Variants in PDE4D observed in about 807,000 individuals in gnomAD.
PDE4D encodes 3',5'-cyclic-AMP phosphodiesterase 4D.
Under a neutral mutation model 87.4 loss-of-function variants are expected in PDE4D, and 24 were observed. The observed-to-expected ratio is 0.27, with a 90% CI of 0.20 to 0.39. The LOEUF (loss-of-function observed/expected upper bound fraction) is 0.39. Among genes scored for constraint, PDE4D ranks in the 10% least tolerant of loss-of-function variants. PDE4D has a pLI of 1.00. For missense variants in PDE4D, 714 were observed against 1,041.0 expected, an observed-to-expected ratio of 0.69 and a Z score of 4.32; for synonymous variants, 384 against 383.2, an observed-to-expected ratio of 1.00 and a Z score of -0.02.
chr5:60,333,414 C>T (rs1402324869), intron 1 of PDE4D, among the ~76,000 whole-genome samples: 4 of 152,104 alleles, frequency 2.6e-5, no homozygotes, highest in African/African-American at 9.7e-5. Flanking sequence ...ACAGAAAATG[C>T]CTCAGTTCAA....
At chr5:59,022,965 G>A (rs766296440) in intron 6 of PDE4D, among the ~76,000 whole-genome samples, 27 of 152,166 alleles carry the variant, frequency 1.8e-4, no homozygotes, top group Non-Finnish European at 3.2e-4. Context: ...TACGAGGTCA[G>A]GAGTTCGAGA....
chr5:58,999,086 A>C (rs563960914), intron 6 of PDE4D, among the ~76,000 whole-genome samples: 1 of 152,336 alleles, frequency 6.6e-6, no homozygotes, highest in South Asian at 2.1e-4. Context: ...TCGTCAGGTT[A>C]AAGTAGTATA....
chr5:60,479,200 C>T (rs1402178185), intron 1 of PDE4D, among the ~76,000 whole-genome samples: 2 of 152,158 alleles, frequency 1.3e-5, no homozygotes, highest in African/African-American at 2.4e-5. Flanking sequence ...GACATATTTA[C>T]ATTTACTTTG....
In PDE4D at chr5:58,999,284, TA is replaced by T. The variant is rs34405862; in HGVS notation, c.922-5820del. 0.1 allele frequency among the ~76,000 whole-genome samples: 15,313 copies of T among 152,132 alleles called. 1,027 individuals are homozygous for T. The highest frequency in any genetic ancestry group is 0.13 in the Non-Finnish European group (8,985 of 67,968). ...ACAAACAGAAGAACTACTGCGTATC[TA>T]AAAAAGCTATTTTAACACTCAAACT... On this transcript the variant is annotated intron_variant, in intron 6 of 14. Coordinates refer to ENST00000340635, the MANE Select transcript of PDE4D (RefSeq NM_001104631.2).
chr5:59,210,730 T>C (rs923334433), intron 2 of PDE4D, among the ~76,000 whole-genome samples: 5 of 152,300 alleles, frequency 3.3e-5, no homozygotes, highest in African/African-American at 7.2e-5. Flanking sequence ...TGAATGTGAG[T>C]GAAGAGCCGA....
At chr5:59,617,710 T>C (rs1234664002) in intron 1 of PDE4D, among the ~76,000 whole-genome samples, 1 of 152,248 alleles carries the variant, frequency 6.6e-6, no homozygotes, top group Non-Finnish European at 1.5e-5. Context: ...GTTCCTTCCC[T>C]AGCTCCTTTA....
chr5:59,923,215 A>C (rs1754866151), intron 3 of PDE4D, among the ~76,000 whole-genome samples: 2 of 152,206 alleles, frequency 1.3e-5, no homozygotes, highest in African/African-American at 2.4e-5. Flanking sequence ...GTAGCTTCTT[A>C]AGATTTCTCA....
At chr5:59,247,547 T>C (rs537258835) in intron 1 of PDE4D, among the ~76,000 whole-genome samples, 45 of 152,266 alleles carry the variant, frequency 3.0e-4, no homozygotes, top group African/African-American at 8.9e-4. Flanking sequence ...TACAATTGTT[T>C]ACTGGTGAAC....
Position 59,924,788 on chromosome 5 carries a change from T to C in PDE4D, c.272+63700A>G, listed in dbSNP as rs918782896. On this transcript the variant is annotated intron_variant, in intron 3 of 16. Coordinates refer to the PDE4D transcript ENST00000502484. ...TACAAAACTCACTGATGATAGTAAA[T>C]ATGCAGAGAAACGCAGGATAGTATA... Among the ~76,000 whole-genome samples the C allele has an allele frequency of 2.7e-4, 41 of 152,250 alleles. 1 individual carries two copies. The highest frequency in any genetic ancestry group is 9.1e-4 in the African/African-American group (38 of 41,544).
intron 1 of PDE4D, chr5:60,431,208 T>G: frequency 5.3e-6 from 1 of 190,244 alleles, no homozygotes; most frequent in South Asian, 8.0e-5. Context: ...GGGTGGCTGC[T>G]GGGCGGAGAC....
At chr5:59,467,797 G>A (rs910487676) in intron 1 of PDE4D, among the ~76,000 whole-genome samples, 2 of 152,134 alleles carry the variant, frequency 1.3e-5, no homozygotes, top group African/African-American at 4.8e-5. Flanking sequence ...AATTATGTTT[G>A]AGTTCACTGG....
At chr5:60,181,103 T>G (rs1784341294) in intron 2 of PDE4D, among the ~76,000 whole-genome samples, 1 of 152,134 alleles carries the variant, frequency 6.6e-6, no homozygotes, top group Admixed American at 6.5e-5. Flanking sequence ...CATAACAAAA[T>G]GTACCATCTT....
At chr5:60,209,209 T>C (rs1317676865) in intron 1 of PDE4D, among the ~76,000 whole-genome samples, 8 of 131,754 alleles carry the variant, frequency 6.1e-5, no homozygotes, top group African/African-American at 2.3e-4. Flanking sequence ...TTTTTTTTTT[T>C]AGTGTTAATG....
At chr5:59,697,899 C>T (rs1752014436) in intron 1 of PDE4D, among the ~76,000 whole-genome samples, 1 of 152,154 alleles carries the variant, frequency 6.6e-6, no homozygotes, top group Non-Finnish European at 1.5e-5. Context: ...ATGTAACAAA[C>T]TTTCCTGCCT....
rs544229830 is a variant in PDE4D at position 59,549,870 on chromosome 5, T to TA, written c.456-333903dup. Among the ~76,000 whole-genome samples the TA allele has an allele frequency of 4.3e-3, 654 of 152,100 alleles. 9 individuals carry two copies. The highest frequency in any genetic ancestry group is 0.015 in the African/African-American group (617 of 41,502). ...TTACTCTACTAACTCCAAAGTTCAATAAATAATAACAATTTTCTCAAGGTT... is the reference window on the plus strand; with the variant it reads ...TTACTCTACTAACTCCAAAGTTCAATAAAATAATAACAATTTTCTCAAGGTT... On this transcript the variant is annotated intron_variant, in intron 1 of 14. Transcript: ENST00000340635.
At chr5:59,282,773 G>A (rs944355068) in intron 1 of PDE4D, among the ~76,000 whole-genome samples, 2 of 151,076 alleles carry the variant, frequency 1.3e-5, no homozygotes, top group Admixed American at 6.6e-5. Context: ...TTATTAGAAA[G>A]TAAACTCTCA....
chr5:59,593,403 T>C (rs1010054471), intron 1 of PDE4D, among the ~76,000 whole-genome samples: 1 of 152,194 alleles, frequency 6.6e-6, no homozygotes, highest in African/African-American at 2.4e-5. Context: ...AAAATAGATT[T>C]GCTTTCACTG....
intron 2 of PDE4D, among the ~76,000 whole-genome samples, chr5:60,098,847 T>C (rs1245657148): frequency 6.6e-6 from 1 of 152,032 alleles, no homozygotes; most frequent in Non-Finnish European, 1.5e-5. Context: ...GTCTTCTTGC[T>C]GATCTTAATG....
intron 1 of PDE4D, among the ~76,000 whole-genome samples, chr5:59,523,077 T>C (rs897016173): frequency 3.9e-5 from 6 of 152,232 alleles, no homozygotes; most frequent in African/African-American, 1.4e-4. Flanking sequence ...GAATGCCAAC[T>C]AATATCATTA....
Sources: gnomAD v4.1 joint callset for allele counts (sites outside exome capture counted in the v4.1 genomes callset) on GRCh38, gnomAD v4.1.1 for gene constraint, MANE v1.5 for transcripts, NCBI Gene and HGNC (gene_info 2026-07-23, HGNC 2026-07-21) for gene names.